The following NIBAN3 variants were observed in gnomAD, a reference collection of about 807,000 sequenced individuals.
NIBAN3 encodes the protein protein Niban 3.
Under a neutral mutation model 76.4 loss-of-function variants are expected in NIBAN3, and 66 were observed. The ratio of observed to expected loss-of-function variants is 0.86; its 90% CI spans 0.71 to 1.06. The LOEUF is 1.06. NIBAN3 is among the 50% of genes least tolerant of loss of function. The pLI is 0.00. For missense variants in NIBAN3, 808 were observed against 810.7 expected (o/e 1.00, Z 0.04); for synonymous variants, 360 against 355.2 (o/e 1.01, Z -0.15).
At chr19:17,543,682 C>A in intron 12 of NIBAN3, 51 bp downstream of exon 12, 2 of 1,470,754 alleles carry the variant, frequency 1.4e-6, no homozygotes, top group African/African-American at 1.4e-5. Flanking sequence ...ACCATGCATC[C>A]ACTTAAAGTG....
chr19:17,534,790 C>CAAAA (rs751685692), intron 4 of NIBAN3, among the ~76,000 whole-genome samples: 2 of 75,780 alleles, frequency 2.6e-5, no homozygotes, highest in Non-Finnish European at 6.8e-5. Context: ...GACTCCATCT[C>CAAAA]AAAAAAAAAA....
At chr19:17,540,279 A>G (rs540417686) in intron 8 of NIBAN3, 113 bp from the exon 9 acceptor site, 1 of 683,238 alleles carries the variant, frequency 1.5e-6, no homozygotes, top group East Asian at 3.4e-5. Flanking sequence ...TACAATGGGT[A>G]GAAGAGGGCG....
At chr19:17,525,343 A>C (rs571086730), upstream of NIBAN3, among the ~76,000 whole-genome samples, 1,374 of 151,410 alleles carry the variant, frequency 9.1e-3, 20 homozygotes, top group African/African-American at 0.032. Flanking sequence ...CCCTTCATTC[A>C]TTCATTCATT....
At chr19:17,526,879 G>C (rs2075614949), upstream of NIBAN3, among the ~76,000 whole-genome samples, 1 of 151,978 alleles carries the variant, frequency 6.6e-6, no homozygotes, top group Admixed American at 6.6e-5. Context: ...CCCAGCCTGG[G>C]GACTCCTAGG....
chr19:17,533,450 G>C (rs1285971373), intron 3 of NIBAN3, 137 bp from the exon 4 acceptor site: 1 of 497,900 alleles, frequency 2.0e-6, no homozygotes, highest in Non-Finnish European at 3.4e-6. Context: ...AGGAATGGAG[G>C]AAAGGAGAGG....
In NIBAN3 at chr19:17,539,454, A is replaced by G; in HGVS notation, c.816+3A>G. ...CCCGCGCCTGGGCCTGGACCGAGGT[A>G]TGCACGGCGTCCGGATCCGGGATAG... On this transcript the variant is annotated splice_donor_region_variant and intron_variant, in intron 7 of 14. Coordinates refer to ENST00000599164, the MANE Select transcript of NIBAN3 (RefSeq NM_001321827.2). The G allele has an allele frequency of 6.8e-7, 1 of 1,469,418 alleles. No homozygotes were observed. The highest frequency in any genetic ancestry group is 9.0e-7 in the Non-Finnish European group (1 of 1,112,118). The allele number at this position is 1,469,418 out of a possible 1,614,324, so 91.0% of individuals were successfully genotyped here. A position where few individuals can be genotyped will look rare whatever the true frequency, so the allele number is the denominator to read the frequency against.
chr19:17,543,642 G>A lies in NIBAN3; in HGVS notation c.1554+11G>A, dbSNP rs1472077436. Reference sequence around the variant, plus strand: ...CCAGGCTGCAAAAAGGTGAGTTAATGGGAAGTGTGCAAGAGGGTCTGACAG... The same window carrying A: ...CCAGGCTGCAAAAAGGTGAGTTAATAGGAAGTGTGCAAGAGGGTCTGACAG... On this transcript the variant is annotated intron_variant, in intron 12 of 14. Coordinates refer to ENST00000599164, the MANE Select transcript of NIBAN3 (RefSeq NM_001321827.2). The A allele has an allele frequency of 2.5e-6, 4 of 1,607,140 alleles. No individual in the cohort carries two copies. Among genetic ancestry groups the A allele is most frequent in the Non-Finnish European group, 8.5e-7 (1 of 1,175,636 alleles).
intron 1 of NIBAN3, among the ~76,000 whole-genome samples, chr19:17,527,859 T>C (rs936240054): frequency 6.6e-6 from 1 of 151,854 alleles, no homozygotes; most frequent in African/African-American, 2.4e-5. Flanking sequence ...ACCTGGCTAA[T>C]TTTTTATTTG....
chr19:17,546,859 C>T (rs1568462389), intron 13 of NIBAN3, 62 bp downstream of exon 13: 104 of 1,533,004 alleles, frequency 6.8e-5, no homozygotes, highest in Non-Finnish European at 8.9e-5. Context: ...TGTACCGAGC[C>T]CCACCAGGGC....
At chr19:17,524,439 C>T (rs1018728644), upstream of NIBAN3, among the ~76,000 whole-genome samples, 7 of 124,784 alleles carry the variant, frequency 5.6e-5, no homozygotes, top group Admixed American at 4.5e-4. Flanking sequence ...GCGCCCACCA[C>T]AACGCCCGCT....
rs149574830 is a variant in NIBAN3, at chr19:17,542,203, G to C, written c.1238G>C (p.Arg413Pro). The change falls in exon 10 of 15, where the codon CGG becomes CCG. Residue 413 changes from arginine to proline, a missense_variant. Transcript: ENST00000599164. This position sits in a 1 kb window ranked among gnomAD's most constrained non-coding sequence, Gnocchi z 4.8. ...CAGACATGCTACCGTGAGGCCGAGC[G>C]GAGCCGGGGGCGCTTGGGGCAGCTG... ...LMQTCYREAE[R>P]SRGRLGQLAA... 41 of 1,614,058 alleles carry C rather than the reference G, an allele frequency of 2.5e-5. No homozygotes were observed. The highest frequency in any genetic ancestry group is 1.0e-4 in the Admixed American group (6 of 59,996).
At chr19:17,537,901 G>C (rs925583638) in intron 5 of NIBAN3, among the ~76,000 whole-genome samples, 1 of 151,438 alleles carries the variant, frequency 6.6e-6, no homozygotes, top group South Asian at 2.1e-4. Context: ...AGCCAAGATC[G>C]CGGCACTGCA....
In NIBAN3 at chr19:17,540,486, C is replaced by T; in HGVS notation, c.1074C>T (p.Ala358=). 6.2e-7 allele frequency: 1 copy of T among 1,600,300 alleles called. No homozygotes were observed. Among genetic ancestry groups the T allele is most frequent in the Non-Finnish European group, 8.5e-7 (1 of 1,173,702 alleles). The change falls in exon 9 of 15, where the codon GCC becomes GCT. Residue 358 remains alanine (A), a synonymous_variant. Transcript: ENST00000599164. ...VVQTLLRTVE[A]SLEAVRTLLA... The stretch of plus-strand genomic sequence containing the variant: ...AGACCCTGCTGCGCACCGTGGAAGC[C>T]TCGCTCGAGGCGGTGCGGACCCTCC...
Position 17,533,717 on chromosome 19 carries a change from T to A in NIBAN3, c.427+16T>A. 1 of 1,589,808 alleles carries A rather than the reference T, an allele frequency of 6.3e-7. No homozygotes were observed. The highest frequency in any genetic ancestry group is 1.7e-5 in the Admixed American group (1 of 59,832). ...GAATCCTTGGGTAAGGGTCCCGGGG[T>A]TCCCAGGAACAGGTTTCTCCACCCC... is the stretch of plus-strand genomic sequence containing the variant. On this transcript the variant is annotated intron_variant, in intron 4 of 14. Transcript: ENST00000599164.
At chr19:17,548,937 GT>G (rs937049312) in intron 13 of NIBAN3, among the ~76,000 whole-genome samples, 27 of 145,104 alleles carry the variant, frequency 1.9e-4, no homozygotes, top group East Asian at 6.2e-4. Context: ...AAAAAAAGTT[GT>G]TTTTTTTTTT....
chr19:17,541,686 T>C (rs1379286201), intron 9 of NIBAN3, among the ~76,000 whole-genome samples: 1 of 148,994 alleles, frequency 6.7e-6, no homozygotes. Context: ...TATTTTATTT[T>C]ATTTTATTTT....
chr19:17,527,462 A>G lies in NIBAN3; in HGVS notation c.55+67A>G. On this transcript the variant is annotated intron_variant, in intron 1 of 14. Coordinates refer to ENST00000599164, the MANE Select transcript of NIBAN3 (RefSeq NM_001321827.2). Reference sequence around the variant, plus strand: ...TGGGGGCTCCAGCCATTGGGTCCACATGCTCCATGCAGCAGATGGGGTTCG... The same window carrying G: ...TGGGGGCTCCAGCCATTGGGTCCACGTGCTCCATGCAGCAGATGGGGTTCG... 4 of 1,437,612 alleles carry G rather than the reference A, an allele frequency of 2.8e-6. No homozygotes were observed. In the Admixed American group the frequency reaches 1.0e-4, roughly 37 times the overall value. The allele number at this position is 1,437,612 out of a possible 1,614,324, so 89.1% of individuals were successfully genotyped here. A position where few individuals can be genotyped will look rare whatever the true frequency, so the allele number is the denominator to read the frequency against.
intron 3 of NIBAN3, among the ~76,000 whole-genome samples, chr19:17,533,067 G>A (rs183252726): frequency 5.6e-4 from 85 of 152,210 alleles, no homozygotes; most frequent in African/African-American, 1.8e-3. Flanking sequence ...CAGCCCAGGA[G>A]TTCAAGAACA....
chr19:17,535,175 A>G (rs185789445), intron 4 of NIBAN3, among the ~76,000 whole-genome samples: 122 of 152,282 alleles, frequency 8.0e-4, no homozygotes, highest in African/African-American at 2.8e-3. Flanking sequence ...GTGGCGGCAT[A>G]TGCCTGTAGT....
Sources: allele counts gnomAD v4.1 joint callset (sites outside exome capture counted in the v4.1 genomes callset), GRCh38; gene constraint gnomAD v4.1.1; non-coding constraint Gnocchi (gnomAD v3.1); transcripts MANE v1.5; gene names NCBI Gene and HGNC (gene_info 2026-07-23, HGNC 2026-07-21).